SAMD4A: variants seen among roughly 807,000 people sequenced by gnomAD.
SAMD4A encodes sterile alpha motif domain containing 4A.
SAMD4A carries 33 observed loss-of-function variants against 81.3 expected under a neutral mutation model. The ratio of observed to expected loss-of-function variants is 0.41; its 90% CI spans 0.31 to 0.54. The LOEUF is 0.54. Ranked by LOEUF, SAMD4A falls within the 20% of genes least tolerant of loss-of-function variation. The pLI, the probability that SAMD4A is intolerant of heterozygous loss-of-function variation, is 0.37. For synonymous variants in SAMD4A, 389 were observed against 382.1 expected (o/e 1.02, Z -0.21); for missense variants, 854 against 951.1 (o/e 0.90, Z 1.34).
In SAMD4A at chr14:54,702,402, A is replaced by T; in HGVS notation, c.537A>T (p.Gln179His). 1 of 1,614,138 alleles carries T rather than the reference A, an allele frequency of 6.2e-7. No homozygotes were observed. The change falls in exon 3 of 13, where the codon CAA (glutamine) becomes CAT (histidine). Residue 179 changes from glutamine to histidine, a missense_variant. This residue lies in a region of SAMD4A where 387 missense variants were observed against 405.8 expected (regional missense o/e 0.95). Transcript: ENST00000554335. ...ATGGACAGACACACTACTATCACCA[A>T]AGACAGAACTCTGATGACAAGCTCA... ...VDYGQTHYYH[Q>H]RQNSDDKLNG...
chr14:54,654,693 C>A (rs368892677), intron 2 of SAMD4A, among the ~76,000 whole-genome samples: 1 of 152,194 alleles, frequency 6.6e-6, no homozygotes. Context: ...TCTGTACACA[C>A]GTAGCTTCAG....
In SAMD4A at chr14:54,707,479, C is replaced by T. The variant is rs573040095; in HGVS notation, c.715+4899C>T. Among the ~76,000 whole-genome samples, 3 of 152,154 alleles carry T rather than the reference C, an allele frequency of 2.0e-5. No homozygotes were observed. In the South Asian group the frequency reaches 6.2e-4, roughly 32 times the overall value. Reference sequence around the variant, plus strand: ...ATTGAGTGCCTACTGTTGTGTCTTCCCTGCTCAAGGCACTTGAGATGTATC... The same window carrying T: ...ATTGAGTGCCTACTGTTGTGTCTTCTCTGCTCAAGGCACTTGAGATGTATC... On this transcript the variant is annotated intron_variant, in intron 3 of 12. Coordinates refer to ENST00000554335, the MANE Select transcript of SAMD4A (RefSeq NM_015589.6).
intron 2 of SAMD4A, among the ~76,000 whole-genome samples, chr14:54,624,355 G>A (rs2034695031): frequency 1.3e-5 from 2 of 152,222 alleles, no homozygotes; most frequent in African/African-American, 4.8e-5. Flanking sequence ...AGAAAAAGAA[G>A]GCATCAGACA....
intron 3 of SAMD4A, among the ~76,000 whole-genome samples, chr14:54,706,094 T>C (rs2036844300): frequency 6.6e-6 from 1 of 151,974 alleles, no homozygotes; most frequent in Non-Finnish European, 1.5e-5. Flanking sequence ...ATGCCTGTAA[T>C]CCCAACACTT....
chr14:54,612,857 G>A (rs1051332686), intron 2 of SAMD4A, among the ~76,000 whole-genome samples: 1 of 152,080 alleles, frequency 6.6e-6, no homozygotes, highest in African/African-American at 2.4e-5. Context: ...GGTGGCTCAC[G>A]CCTGTAATCC....
chr14:54,639,335 T>TG (rs2035111670), intron 2 of SAMD4A, among the ~76,000 whole-genome samples: 1 of 152,244 alleles, frequency 6.6e-6, no homozygotes, highest in South Asian at 2.1e-4. Context: ...GTAAGAAACA[T>TG]GGTGGCTGAG....
chr14:54,652,932 CTT>C (rs2035437808), intron 2 of SAMD4A: 1 of 152,072 alleles, frequency 6.6e-6, no homozygotes, highest in South Asian at 2.1e-4. Context: ...CATTTTTGCT[CTT>C]TCTCTGTTCG....
intron 2 of SAMD4A, among the ~76,000 whole-genome samples, chr14:54,635,452 A>T (rs1211753486): frequency 1.3e-5 from 2 of 151,742 alleles, no homozygotes; most frequent in East Asian, 3.9e-4. Flanking sequence ...AAAATAAAAT[A>T]AAAAATTATC....
intron 2 of SAMD4A, among the ~76,000 whole-genome samples, chr14:54,649,435 G>A (rs937822710): frequency 2.0e-5 from 3 of 152,196 alleles, no homozygotes; most frequent in Middle Eastern, 3.2e-3. Context: ...GCTATCTTTC[G>A]AAGGGATGTG....
intron 4 of SAMD4A, among the ~76,000 whole-genome samples, chr14:54,739,237 T>C (rs2037786655): frequency 6.6e-6 from 1 of 151,966 alleles, no homozygotes; most frequent in South Asian, 2.1e-4. Flanking sequence ...AAAGCCAAAA[T>C]ATTGCAAAGG....
chr14:54,699,344 G>C (rs986005294), intron 2 of SAMD4A, among the ~76,000 whole-genome samples: 2 of 152,270 alleles, frequency 1.3e-5, no homozygotes, highest in South Asian at 4.1e-4. Context: ...CTTGTGTCAG[G>C]TGGCAATTAG....
At chr14:54,653,404 A>T (rs1338542504) in intron 2 of SAMD4A, among the ~76,000 whole-genome samples, 3 of 150,710 alleles carry the variant, frequency 2.0e-5, no homozygotes, top group Admixed American at 1.3e-4. Context: ...TGGCGTGATG[A>T]TCTCTGCTCA....
At chr14:54,676,339 A>C (rs1297600185) in intron 2 of SAMD4A, among the ~76,000 whole-genome samples, 3 of 152,158 alleles carry the variant, frequency 2.0e-5, no homozygotes, top group Non-Finnish European at 4.4e-5. Context: ...GATGTTAACC[A>C]TTTTATGCTT....
rs1453835781 is a variant in SAMD4A at position 54,757,408 on chromosome 14, TG to T, written c.1177-2752del. On this transcript the variant is annotated intron_variant, in intron 6 of 12. Coordinates refer to ENST00000554335, the MANE Select transcript of SAMD4A (RefSeq NM_015589.6). Reference sequence around the variant, plus strand: ...TTGTGTGTGTGTGTGTGTGTGTGTGTGTGTGTGTGTGTGTGTGTGTTTTGTT... The same window carrying T: ...TTGTGTGTGTGTGTGTGTGTGTGTGTTGTGTGTGTGTGTGTGTGTTTTGTT... Among the ~76,000 whole-genome samples the T allele has an allele frequency of 1.9e-3, 280 of 147,890 alleles. 1 individual carries two copies. Among genetic ancestry groups the T allele is most frequent in the African/African-American group, 6.9e-3 (268 of 38,916 alleles).
intron 2 of SAMD4A, among the ~76,000 whole-genome samples, chr14:54,674,171 C>T (rs1314697697): frequency 6.6e-6 from 1 of 152,172 alleles, no homozygotes; most frequent in Non-Finnish European, 1.5e-5. Flanking sequence ...AGGCCTAGGT[C>T]CCTGCAGAGT....
chr14:54,688,434 C>A, intron 2 of SAMD4A: 1 of 899,954 alleles, frequency 1.1e-6, no homozygotes, highest in South Asian at 5.1e-5. Flanking sequence ...GGTAAAGATG[C>A]TTTAAAACTG....
intron 2 of SAMD4A, among the ~76,000 whole-genome samples, chr14:54,662,862 T>G (rs2035674945): frequency 6.6e-6 from 1 of 152,152 alleles, no homozygotes; most frequent in Non-Finnish European, 1.5e-5. Flanking sequence ...CAGAGAGGTC[T>G]TGGACACCAA....
intron 2 of SAMD4A, chr14:54,694,643 G>A (rs115135534): frequency 3.9e-5 from 38 of 985,502 alleles, no homozygotes; most frequent in African/African-American, 3.3e-4. Flanking sequence ...GGTCAGAACC[G>A]AGGCAGGTGG....
At chr14:54,763,769 C>G (rs990382748) in intron 7 of SAMD4A, among the ~76,000 whole-genome samples, 4 of 152,138 alleles carry the variant, frequency 2.6e-5, no homozygotes, top group Non-Finnish European at 4.4e-5. Context: ...TACAATGAGA[C>G]CAGAATGGGC....
Sources: gnomAD v4.1 joint callset for allele counts (sites outside exome capture counted in the v4.1 genomes callset) on GRCh38, gnomAD v4.1.1 for gene constraint, gnomAD v4.1.1 regional missense constraint, MANE v1.5 for transcripts, NCBI Gene and HGNC (gene_info 2026-07-23, HGNC 2026-07-21) for gene names.